The following SNTG1 variants were observed in gnomAD, a reference collection of about 807,000 sequenced individuals.
SNTG1 encodes the protein syntrophin gamma 1.
In SNTG1, 39 loss-of-function variants were observed where a neutral mutation model predicts 74.7. The ratio of observed to expected loss-of-function variants is 0.52; its 90% confidence interval spans 0.40 to 0.68. The LOEUF is 0.68. Ranked by LOEUF, SNTG1 falls within the 30% of genes least tolerant of loss-of-function variation. The probability of loss-of-function intolerance (pLI) is 0.00; values close to 1 mark genes in which losing one functional copy is unlikely to be tolerated. For missense variants in SNTG1, 685 were observed against 609.5 expected (o/e 1.12, Z -1.30); for synonymous variants, 254 against 217.1 (o/e 1.17, Z -1.49).
At chr8:50,016,005 T>C (rs547213383) in intron 1 of SNTG1, among the ~76,000 whole-genome samples, 1 of 152,214 alleles carries the variant, frequency 6.6e-6, no homozygotes, top group Non-Finnish European at 1.5e-5. Flanking sequence ...TTGATGAATG[T>C]CAGCTGCAGG....
intron 9 of SNTG1, among the ~76,000 whole-genome samples, chr8:50,522,065 G>A (rs893286567): frequency 6.6e-6 from 1 of 152,084 alleles, no homozygotes; most frequent in Non-Finnish European, 1.5e-5. Flanking sequence ...AATTGATTTT[G>A]CCCAGGTCCA....
intron 1 of SNTG1, among the ~76,000 whole-genome samples, chr8:50,033,339 G>A (rs1253709295): frequency 6.6e-6 from 1 of 152,024 alleles, no homozygotes; most frequent in African/African-American, 2.4e-5. Flanking sequence ...GGTCAGGCTG[G>A]TCTCGAACTC....
chr8:50,005,070 T>C (rs1815088563), intron 1 of SNTG1, among the ~76,000 whole-genome samples: 1 of 152,190 alleles, frequency 6.6e-6, no homozygotes, highest in African/African-American at 2.4e-5. Context: ...AAGTCATGTA[T>C]GTTTTTGTAT....
chr8:50,562,353 C>A (rs2094493342), intron 12 of SNTG1, among the ~76,000 whole-genome samples: 1 of 152,154 alleles, frequency 6.6e-6, no homozygotes, highest in Admixed American at 6.6e-5. Context: ...ATGTGATTCT[C>A]TACAAGTGTA....
intron 3 of SNTG1, 32 bp downstream of exon 3, chr8:50,394,297 G>C (rs368785586): frequency 3.7e-6 from 6 of 1,606,056 alleles, no homozygotes; most frequent in East Asian, 2.3e-5. Context: ...TTTCAAACAG[G>C]GAAAACAGAA....
chr8:50,572,758 A>G (rs892353432), intron 12 of SNTG1, among the ~76,000 whole-genome samples: 6 of 152,136 alleles, frequency 3.9e-5, no homozygotes, highest in African/African-American at 1.2e-4. Context: ...GTATCCTTAC[A>G]CTAATGTCGT....
chr8:50,497,136 G>A (rs2093911707), intron 8 of SNTG1, among the ~76,000 whole-genome samples: 1 of 151,758 alleles, frequency 6.6e-6, no homozygotes, highest in African/African-American at 2.4e-5. Flanking sequence ...TTTAGGGTGA[G>A]ATTTTATTAT....
chr8:50,322,715 A>G (rs2090579347), intron 2 of SNTG1, among the ~76,000 whole-genome samples: 1 of 151,736 alleles, frequency 6.6e-6, no homozygotes, highest in Non-Finnish European at 1.5e-5. Context: ...GGCATGCTTC[A>G]TTGTTTTTTA....
At chr8:50,411,333 C>T (rs925838228) in intron 4 of SNTG1, among the ~76,000 whole-genome samples, 3 of 151,112 alleles carry the variant, frequency 2.0e-5, no homozygotes, top group Admixed American at 6.6e-5. Flanking sequence ...CTGTAGTGCC[C>T]GCTACTCAGG....
At chr8:50,690,943 G>A (rs1282767673) in intron 15 of SNTG1, among the ~76,000 whole-genome samples, 1 of 152,132 alleles carries the variant, frequency 6.6e-6, no homozygotes, top group Non-Finnish European at 1.5e-5. Flanking sequence ...TGTATTGGGT[G>A]CATATATATT....
chr8:50,414,848 T>A (rs1223128532), intron 4 of SNTG1, among the ~76,000 whole-genome samples: 1 of 152,068 alleles, frequency 6.6e-6, no homozygotes, highest in Non-Finnish European at 1.5e-5. Flanking sequence ...TTTGTGAACC[T>A]GTGTGACTTC....
At chr8:50,622,488 C>T (rs1014997284) in intron 13 of SNTG1, among the ~76,000 whole-genome samples, 1 of 151,844 alleles carries the variant, frequency 6.6e-6, no homozygotes, top group African/African-American at 2.4e-5. Context: ...GTATTTTGTC[C>T]TTGGGAAGCT....
chr8:50,112,572 G>T (rs1342761276), intron 1 of SNTG1, among the ~76,000 whole-genome samples: 1 of 135,010 alleles, frequency 7.4e-6, no homozygotes, highest in African/African-American at 2.8e-5. Flanking sequence ...ACCCAGGCTG[G>T]AGTGCAGTGG....
chr8:50,778,226 G>A (rs1186336342), intron 18 of SNTG1, among the ~76,000 whole-genome samples: 3 of 152,268 alleles, frequency 2.0e-5, no homozygotes, highest in South Asian at 2.1e-4. Context: ...CCAGTAACAG[G>A]ATGGCTGGGT....
chr8:50,688,622 G>T (rs961264013), intron 15 of SNTG1, among the ~76,000 whole-genome samples: 20 of 152,266 alleles, frequency 1.3e-4, no homozygotes, highest in Middle Eastern at 3.4e-3. Context: ...CTCTATCTCT[G>T]TTTTGGTACC....
At position 49,964,165 on chromosome 8, in the gene SNTG1, T is replaced by C. The variant is rs190481444; in HGVS notation, c.-103+51934T>C. On this transcript the variant is annotated intron_variant, in intron 1 of 18. Coordinates refer to ENST00000642720, the MANE Select transcript of SNTG1 (RefSeq NM_018967.5). ...AAAGGTATTTTTTAGATGAGGTTAA[T>C]ATTTGAATCAGTAGACTTGGAGCAA... is the stretch of plus-strand genomic sequence containing the variant. Among the ~76,000 whole-genome samples the C allele has an allele frequency of 1.1e-3, 174 of 152,338 alleles. 1 individual carries two copies. The highest frequency in any genetic ancestry group is 4.0e-3 in the African/African-American group (167 of 41,586).
intron 1 of SNTG1, among the ~76,000 whole-genome samples, chr8:49,991,698 C>T (rs1339231022): frequency 6.6e-6 from 1 of 151,938 alleles, no homozygotes; most frequent in Middle Eastern, 3.2e-3. Context: ...TGAAATAATC[C>T]AGTTACAAAA....
At chr8:50,402,122 C>T (rs2092813409) in intron 3 of SNTG1, 88 bp from the exon 4 acceptor site, 3 of 1,323,234 alleles carry the variant, frequency 2.3e-6, no homozygotes, top group Middle Eastern at 2.1e-4. Flanking sequence ...ATGTTATTCA[C>T]CATGTTTTGC....
intron 1 of SNTG1, among the ~76,000 whole-genome samples, chr8:50,075,480 G>A (rs1473978059): frequency 6.6e-6 from 1 of 152,148 alleles, no homozygotes; most frequent in East Asian, 1.9e-4. Context: ...TCTAACTCAG[G>A]GATTGTAAAC....
Sources: gnomAD v4.1 joint callset for allele counts (sites outside exome capture counted in the v4.1 genomes callset) on GRCh38, gnomAD v4.1.1 for gene constraint, MANE v1.5 for transcripts, NCBI Gene and HGNC (gene_info 2026-07-23, HGNC 2026-07-21) for gene names.